ERICH3: variants seen among roughly 807,000 people sequenced by gnomAD.
ERICH3 encodes glutamate-rich protein 3.
Under a neutral mutation model 131.1 loss-of-function variants are expected in ERICH3, and 126 were observed. The observed-to-expected ratio is 0.96, with a 90% CI of 0.83 to 1.11. The LOEUF (loss-of-function observed/expected upper bound fraction) is 1.11, where lower values mean the gene tolerates loss of function less well. Ranked by LOEUF, ERICH3 falls within the 50% of genes most tolerant of loss-of-function variation. ERICH3 has a pLI of 0.00. For synonymous variants in ERICH3, 695 were observed against 644.6 expected (o/e 1.08, Z -1.18); for missense variants, 2,050 against 1,810.7 (o/e 1.13, Z -2.40).
intron 6 of ERICH3, among the ~76,000 whole-genome samples, chr1:74,632,961 T>C (rs1197942622): frequency 6.6e-6 from 1 of 151,942 alleles, no homozygotes; most frequent in Non-Finnish European, 1.5e-5. Flanking sequence ...AAATTGGTAA[T>C]TTTTGGGTAT....
In ERICH3 at chr1:74,571,404, C is replaced by G; in HGVS notation, c.4306G>C (p.Ala1436Pro). The change falls in exon 14 of 15, where the codon GCC becomes CCC. Residue 1436 changes from alanine (A) to proline (P), a missense_variant. By Grantham distance (27) the Ala-to-Pro change is conservative. Coordinates refer to ENST00000326665, the MANE Select transcript of ERICH3 (RefSeq NM_001002912.5). Reference protein sequence around the residue: ...TTEAGVGTPGALERKTSGLGQ... With the variant: ...TTEAGVGTPGPLERKTSGLGQ... The stretch of plus-strand genomic sequence containing the variant: ...AGCCCTGAGGTCTTCCGCTCCAGGG[C>G]TCCTGGAGTGCCCACCCCAGCCTCT... The G allele has an allele frequency of 6.2e-7, 1 of 1,613,996 alleles. No homozygotes were observed.
In ERICH3 at chr1:74,641,378, C is replaced by T; in HGVS notation, c.397G>A (p.Gly133Ser). 6.2e-7 allele frequency: 1 copy of T among 1,612,840 alleles called. No individual in the cohort carries two copies. The highest frequency in any genetic ancestry group is 8.5e-7 in the Non-Finnish European group (1 of 1,179,410). ...HPPVGPKSNR[G>S]HSVLVDEGHS... is the part of the protein sequence containing the mutation. ...CCTTCATCAACCAGAACACTATGGC[C>T]ACGATTACTCTTTGGGCCAACTGGT... Residue 133 changes from glycine to serine, a missense_variant, in exon 5 of 15, where the codon GGC (glycine) becomes AGC (serine). Physicochemically the swap from Gly to Ser is moderately conservative, Grantham distance 56. Transcript: ENST00000326665.
intron 1 of ERICH3, among the ~76,000 whole-genome samples, chr1:74,667,481 T>C (rs1226333776): frequency 6.6e-6 from 1 of 152,174 alleles, no homozygotes; most frequent in Non-Finnish European, 1.5e-5. Flanking sequence ...TGTACCAAAA[T>C]GAATAACTAA....
intron 11 of ERICH3, among the ~76,000 whole-genome samples, chr1:74,595,054 C>T (rs1018509826): frequency 6.6e-6 from 1 of 152,088 alleles, no homozygotes; most frequent in Non-Finnish European, 1.5e-5. Context: ...TCTCTCCTTC[C>T]TATTCCTTAG....
chr1:74,619,610 T>C (rs1164391520), intron 8 of ERICH3, among the ~76,000 whole-genome samples: 1 of 152,220 alleles, frequency 6.6e-6, no homozygotes, highest in Non-Finnish European at 1.5e-5. Context: ...CTCTCGACTC[T>C]GGTCAGAGTG....
At chr1:74,573,517 G>T in intron 13 of ERICH3, 26 bp from the exon 14 acceptor site, 2 of 1,486,138 alleles carry the variant, frequency 1.3e-6, no homozygotes, top group Non-Finnish European at 8.9e-7. Context: ...TAGAAATCAA[G>T]ATTACTTTAA....
At position 74,612,784 on chromosome 1, in the gene ERICH3, C is replaced by T. The variant is rs774141417; in HGVS notation, c.1026G>A (p.Arg342=). 6.3e-7 allele frequency: 1 copy of T among 1,584,872 alleles called. No individual in the cohort carries two copies. The highest frequency in any genetic ancestry group is 8.6e-7 in the Non-Finnish European group (1 of 1,157,706). The change falls in exon 9 of 15, where the codon AGG becomes AGA. Residue 342 remains arginine (R), a synonymous_variant. Coordinates refer to ENST00000326665, the MANE Select transcript of ERICH3 (RefSeq NM_001002912.5). Reference sequence around the variant, plus strand: ...TGAGACTGAAGGGGAAACCATGATGCCTTTTGGAAATAAACTGAAAGGTCT... The same window carrying T: ...TGAGACTGAAGGGGAAACCATGATGTCTTTTGGAAATAAACTGAAAGGTCT... ...EKETFQFISK[R]HHGFPFSLTF...
At position 74,576,952 on chromosome 1, in the gene ERICH3, A is replaced by C; in HGVS notation, c.2177-16T>G. The C allele has an allele frequency of 6.3e-7, 1 of 1,589,538 alleles. No homozygotes were observed. Among genetic ancestry groups the C allele is most frequent in the Non-Finnish European group, 8.5e-7 (1 of 1,169,590 alleles). On this transcript the variant is annotated splice_polypyrimidine_tract_variant and intron_variant, in intron 12 of 14. Coordinates refer to ENST00000326665, the MANE Select transcript of ERICH3 (RefSeq NM_001002912.5). ...GAATCCTTTCCTAGTTAAAAAAAAA[A>C]AAAAGAAAAAAAAGGTCAAATGAAT...
chr1:74,592,847 G>A (rs551888691), intron 11 of ERICH3, among the ~76,000 whole-genome samples: 59 of 152,066 alleles, frequency 3.9e-4, no homozygotes, highest in African/African-American at 1.4e-3. Flanking sequence ...ACGGGGGTAA[G>A]ACTTTGCCTA....
At chr1:74,650,732 C>T (rs1018742923) in intron 1 of ERICH3, among the ~76,000 whole-genome samples, 6 of 151,974 alleles carry the variant, frequency 3.9e-5, no homozygotes, top group East Asian at 1.9e-4. Context: ...AAAACTTATA[C>T]GTTGTTTATT....
At chr1:74,667,829 C>G (rs1030498472) in intron 1 of ERICH3, among the ~76,000 whole-genome samples, 1 of 152,092 alleles carries the variant, frequency 6.6e-6, no homozygotes, top group Non-Finnish European at 1.5e-5. Context: ...TGTGTCCCCA[C>G]CCAAATCTCA....
chr1:74,595,930 T>A (rs1229636930), intron 11 of ERICH3, among the ~76,000 whole-genome samples: 1 of 152,046 alleles, frequency 6.6e-6, no homozygotes, highest in Non-Finnish European at 1.5e-5. Context: ...ATTCCCATAA[T>A]CTTCTCTGAT....
rs757888988 is a variant in ERICH3, at chr1:74,606,850, T to C, written c.1240A>G (p.Lys414Glu). Residue 414 changes from lysine to glutamate, a missense_variant, in exon 10 of 15, where the codon AAA becomes GAA. Coordinates refer to ENST00000326665, the MANE Select transcript of ERICH3 (RefSeq NM_001002912.5). ...DKKPSLPKSR[K>E]EKSTEKGEEL... ...TCTCCTTTCTCAGTGCTCTTTTCTT[T>C]CCTAGATTTCGGCAAAGACGGTTTT... 1.9e-6 allele frequency: 3 copies of C among 1,612,414 alleles called. No individual in the cohort carries two copies. Among genetic ancestry groups the C allele is most frequent in the Non-Finnish European group, 2.5e-6 (3 of 1,179,250 alleles).
chr1:74,572,357 G>A lies in ERICH3; in HGVS notation c.3353C>T (p.Pro1118Leu). ...AGCATCAGATCCCATTTCATTTGGG[G>A]GAGCTTTTGTCTCTTCCTCAGCTCT... The part of the protein sequence containing the change: ...EVRAEEETKA[P>L]PNEMGSDAEN... The change falls in exon 14 of 15, where the codon CCC becomes CTC. Residue 1118 changes from proline to leucine, a missense_variant. Coordinates refer to ENST00000326665, the MANE Select transcript of ERICH3 (RefSeq NM_001002912.5). The A allele has an allele frequency of 6.2e-7, 1 of 1,613,658 alleles. No individual in the cohort carries two copies. The highest frequency in any genetic ancestry group is 8.5e-7 in the Non-Finnish European group (1 of 1,179,966).
At chr1:74,601,011 A>AC (rs1184271266) in intron 10 of ERICH3, among the ~76,000 whole-genome samples, 13 of 151,818 alleles carry the variant, frequency 8.6e-5, no homozygotes, top group Non-Finnish European at 1.6e-4. Context: ...CTCTGTAAAT[A>AC]CAGAGGATGA....
At chr1:74,581,594 G>A (rs1000739700) in intron 12 of ERICH3, among the ~76,000 whole-genome samples, 1 of 151,978 alleles carries the variant, frequency 6.6e-6, no homozygotes, top group South Asian at 2.1e-4. Flanking sequence ...TAGCTTTATT[G>A]CACTGTTATC....
rs1268023142 is a variant in ERICH3 at position 74,606,898 on chromosome 1, T to C, written c.1192A>G (p.Ile398Val). The change falls in exon 10 of 15, where the codon ATT (isoleucine) becomes GTT (valine). Residue 398 changes from isoleucine (I) to valine (V), a missense_variant. Ile to Val is a conservative substitution (Grantham distance 29). Coordinates refer to ENST00000326665, the MANE Select transcript of ERICH3 (RefSeq NM_001002912.5). ...TTTTTGTCAAGGCCCATTGCAATAA[T>C]GCACCTATGAAAAATATTAGCAGGA... ...VERSSPCYKC[I>V]IAMGLDKKPS... 1.2e-6 allele frequency: 2 copies of C among 1,608,954 alleles called. No homozygotes were observed. The highest frequency in any genetic ancestry group is 2.2e-5 in the East Asian group (1 of 44,808).
rs181600816 is a variant in ERICH3, at chr1:74,591,641, G to C, written c.1727-1561C>G. Among the ~76,000 whole-genome samples, 5 of 152,166 alleles carry C rather than the reference G, an allele frequency of 3.3e-5. No individual in the cohort carries two copies. In the East Asian group the frequency reaches 9.7e-4, roughly 30 times the overall value. ...ACAGATTCGCAGTCTAGAAACTTAC[G>C]GTAGCCACAGCTGGTTTATGTAATA... On this transcript the variant is annotated intron_variant, in intron 11 of 14. Transcript: ENST00000326665.
chr1:74,593,181 A>G (rs1647688226), intron 11 of ERICH3, among the ~76,000 whole-genome samples: 1 of 152,124 alleles, frequency 6.6e-6, no homozygotes, highest in Non-Finnish European at 1.5e-5. Context: ...CCATTGTTCC[A>G]TGTCCTAAGC....
Sources: gnomAD v4.1 joint callset for allele counts (sites outside exome capture counted in the v4.1 genomes callset) on GRCh38, gnomAD v4.1.1 for gene constraint, MANE v1.5 for transcripts, NCBI Gene and HGNC (gene_info 2026-07-23, HGNC 2026-07-21) for gene names.